The following ABCA13 variants were observed in gnomAD, a reference collection of about 807,000 sequenced individuals.
The protein encoded by ABCA13 is ATP-binding cassette sub-family A member 13.
In ABCA13, 476 loss-of-function variants were observed where a neutral mutation model predicts 478.7. That is an observed-to-expected ratio of 0.99 (90% CI 0.92 to 1.07). The LOEUF is 1.07. Ranked by LOEUF, ABCA13 falls within the 50% of genes least tolerant of loss-of-function variation. ABCA13 has a pLI of 0.00. For missense variants in ABCA13, 6,060 were observed against 5,910.6 expected (o/e 1.03, Z -0.83); for synonymous variants, 2,252 against 2,158.9 (o/e 1.04, Z -1.20).
At chr7:48,563,642 C>A (rs1357844356) in intron 55 of ABCA13, among the ~76,000 whole-genome samples, 4 of 152,132 alleles carry the variant, frequency 2.6e-5, no homozygotes, top group Non-Finnish European at 5.9e-5. Flanking sequence ...CCCCATGAGG[C>A]CTGTCAGGTA....
chr7:48,613,661 A>G (rs539475347), intron 58 of ABCA13, among the ~76,000 whole-genome samples: 1 of 151,022 alleles, frequency 6.6e-6, no homozygotes, highest in African/African-American at 2.4e-5. Context: ...CTGAATTGCA[A>G]TTATTTTAGT....
intron 39 of ABCA13, among the ~76,000 whole-genome samples, chr7:48,405,755 A>G (rs1022022860): frequency 1.3e-5 from 2 of 152,236 alleles, no homozygotes; most frequent in African/African-American, 4.8e-5. Flanking sequence ...TTAGACAGAA[A>G]AATAGATACA....
At position 48,570,613 on chromosome 7, in the gene ABCA13, G is replaced by A. The variant is rs568444422; in HGVS notation, c.14355-9611G>A. 3.1e-3 allele frequency among the ~76,000 whole-genome samples: 472 copies of A among 151,822 alleles called. 4 individuals carry two copies. The highest frequency in any genetic ancestry group is 4.4e-3 in the Non-Finnish European group (301 of 67,910). On this transcript the variant is annotated intron_variant, in intron 55 of 61. Coordinates refer to ENST00000435803, the MANE Select transcript of ABCA13 (RefSeq NM_152701.5). ...GCTGGTATTACAGGTGTGAGCCACC[G>A]CACCCAGCTGCATCCTTTTACTTTC...
Position 48,306,846 on chromosome 7 carries a change from C to T in ABCA13, c.9322-3101C>T, listed in dbSNP as rs563040191. ...AAACATTATTCTAAATGTCCCTATG[C>T]GGGTATTTTTTAGATGACATTAACA... On this transcript the variant is annotated intron_variant, in intron 23 of 61. Coordinates refer to ENST00000435803, the MANE Select transcript of ABCA13 (RefSeq NM_152701.5). Among the ~76,000 whole-genome samples, 16 of 152,334 alleles carry T rather than the reference C, an allele frequency of 1.1e-4. No homozygotes were observed. The South Asian group carries it at 1.2e-3, about 12-fold the overall frequency.
In ABCA13 at chr7:48,467,020, C is replaced by T. The variant is rs1306040881; in HGVS notation, c.12880C>T (p.Pro4294Ser). 1 of 1,613,958 alleles carries T rather than the reference C, an allele frequency of 6.2e-7. No individual in the cohort carries two copies. The highest frequency in any genetic ancestry group is 8.5e-7 in the Non-Finnish European group (1 of 1,179,872). ...LLRKFRDQDL[P>S]CADLNPRQKN... ...GCGGAAGTTTAGAGATCAAGATTTG[C>T]CCTGTGCAGATTTAAACCCACGCCA... Residue 4294 changes from proline (P) to serine (S), a missense_variant, in exon 44 of 62, where the codon CCC becomes TCC. Coordinates refer to ENST00000435803, the MANE Select transcript of ABCA13 (RefSeq NM_152701.5).
intron 55 of ABCA13, among the ~76,000 whole-genome samples, chr7:48,532,537 C>T (rs931035656): frequency 6.6e-6 from 1 of 152,042 alleles, no homozygotes; most frequent in African/African-American, 2.4e-5. Flanking sequence ...AGGGAGGATT[C>T]CCTCTTTCTC....
chr7:48,257,428 G>A (rs1793558761), intron 15 of ABCA13, among the ~76,000 whole-genome samples: 1 of 152,010 alleles, frequency 6.6e-6, no homozygotes, highest in Non-Finnish European at 1.5e-5. Context: ...TATGATTTTG[G>A]CTGTGTGTTT....
At chr7:48,177,228 G>C (rs1178907077) in intron 1 of ABCA13, among the ~76,000 whole-genome samples, 2 of 152,162 alleles carry the variant, frequency 1.3e-5, no homozygotes, top group Admixed American at 6.5e-5. Flanking sequence ...TCAACTATTT[G>C]TTGTCAAATT....
chr7:48,323,923 C>CG lies in ABCA13; in HGVS notation c.9999+6627_9999+6628insG, dbSNP rs1219194786. Reference sequence around the variant, plus strand: ...AAATGGGAGTTCCCCTGCACAAGCTCTCTTCTCTGCTGCCATGTAAGACAT... The same window carrying CG: ...AAATGGGAGTTCCCCTGCACAAGCTCGTCTTCTCTGCTGCCATGTAAGACAT... On this transcript the variant is annotated intron_variant, in intron 27 of 61. Transcript: ENST00000435803. Among the ~76,000 whole-genome samples, 11 of 152,312 alleles carry CG rather than the reference C, an allele frequency of 7.2e-5. No individual in the cohort carries two copies. The East Asian group carries it at 1.7e-3, about 24-fold the overall frequency.
intron 5 of ABCA13, among the ~76,000 whole-genome samples, chr7:48,224,753 G>T (rs1327910488): frequency 6.6e-6 from 1 of 152,126 alleles, no homozygotes; most frequent in Non-Finnish European, 1.5e-5. Flanking sequence ...AGGCAGTGAT[G>T]TTGTTCAGAG....
chr7:48,337,400 C>CA (rs1380766748), intron 28 of ABCA13, among the ~76,000 whole-genome samples: 3 of 151,978 alleles, frequency 2.0e-5, no homozygotes, highest in Admixed American at 6.6e-5. Flanking sequence ...AATAAGATTC[C>CA]AAAAAAGAAA....
intron 55 of ABCA13, among the ~76,000 whole-genome samples, chr7:48,561,060 T>C (rs1786402360): frequency 6.6e-6 from 1 of 152,172 alleles, no homozygotes; most frequent in Admixed American, 6.5e-5. Flanking sequence ...CTGAATAGTA[T>C]TCCATTGTAT....
chr7:48,644,604 T>TG lies in ABCA13; in HGVS notation c.14944-13_14944-12insG. On this transcript the variant is annotated splice_polypyrimidine_tract_variant and intron_variant, in intron 60 of 61. Transcript: ENST00000435803. ...TTATATGATACTTTTTTTTTTTTTT[T>TG]TTTTGCTTTTAGGGACAGCACCTGA... 1 of 1,575,846 alleles carries TG rather than the reference T, an allele frequency of 6.3e-7. No individual in the cohort carries two copies.
chr7:48,306,772 T>G (rs1405613116), intron 23 of ABCA13, among the ~76,000 whole-genome samples: 1 of 151,952 alleles, frequency 6.6e-6, no homozygotes, highest in East Asian at 1.9e-4. Context: ...TGGTGATGAT[T>G]AATTTTGTGT....
Position 48,406,504 on chromosome 7 carries a change from C to G in ABCA13, c.12070+2625C>G, listed in dbSNP as rs910366667. 4.1e-4 allele frequency among the ~76,000 whole-genome samples: 63 copies of G among 152,228 alleles called. 1 individual carries two copies. Among genetic ancestry groups the G allele is most frequent in the Non-Finnish European group, 3.1e-4 (21 of 68,014 alleles). On this transcript the variant is annotated intron_variant, in intron 39 of 61. Coordinates refer to ENST00000435803, the MANE Select transcript of ABCA13 (RefSeq NM_152701.5). ...ATAGACAAGGGGCGAATGTGGGAAG[C>G]GCAGCTTTTGGAGGAACATATCATC...
At chr7:48,557,908 C>T (rs1786009948) in intron 55 of ABCA13, among the ~76,000 whole-genome samples, 1 of 152,090 alleles carries the variant, frequency 6.6e-6, no homozygotes. Context: ...CTTTCTCTTC[C>T]TCCACTTTAA....
chr7:48,358,078 G>T (rs1810222057), intron 31 of ABCA13, among the ~76,000 whole-genome samples: 1 of 151,212 alleles, frequency 6.6e-6, no homozygotes. Context: ...GGAGGCAAAG[G>T]TTGTAGTGAG....
chr7:48,245,475 C>T (rs778001496), intron 11 of ABCA13, 37 bp from the exon 12 acceptor site: 3 of 1,540,694 alleles, frequency 1.9e-6, no homozygotes, highest in Admixed American at 1.8e-5. Context: ...AGCTTACTTA[C>T]CTTAGGTGAA....
intron 31 of ABCA13, among the ~76,000 whole-genome samples, chr7:48,365,530 T>C (rs1277514718): frequency 6.6e-6 from 1 of 152,208 alleles, no homozygotes; most frequent in East Asian, 1.9e-4. Flanking sequence ...TATTTTCTTC[T>C]TGTAGTTTTA....
Sources: gnomAD v4.1 joint callset for allele counts (sites outside exome capture counted in the v4.1 genomes callset) on GRCh38, gnomAD v4.1.1 for gene constraint, MANE v1.5 for transcripts, NCBI Gene and HGNC (gene_info 2026-07-23, HGNC 2026-07-21) for gene names.